FAT3: variants seen among roughly 807,000 people sequenced by gnomAD.
FAT3 encodes the protein FAT atypical cadherin 3.
In FAT3, 95 loss-of-function variants were observed where a neutral mutation model predicts 310.2. That is an observed-to-expected ratio of 0.31 (90% CI 0.26 to 0.36). The LOEUF (loss-of-function observed/expected upper bound fraction) is 0.36, where lower values mean the gene tolerates loss of function less well. FAT3 is among the 10% of genes least tolerant of loss of function. The probability of loss-of-function intolerance (pLI) is 1.00; values close to 1 mark genes in which losing one functional copy is unlikely to be tolerated. For synonymous variants in FAT3, 2,314 were observed against 2,192.9 expected, an observed-to-expected ratio of 1.06 and a Z score of -1.54; for missense variants, 5,408 against 5,715.6, an observed-to-expected ratio of 0.95 and a Z score of 1.74.
chr11:92,456,870 C>T (rs1299268630), intron 2 of FAT3, among the ~76,000 whole-genome samples: 2 of 152,078 alleles, frequency 1.3e-5, no homozygotes, highest in African/African-American at 4.8e-5. Flanking sequence ...CCATGGTGAA[C>T]AGCGCTAGGA....
chr11:92,873,495 GC>G (rs1342715871), intron 22 of FAT3, among the ~76,000 whole-genome samples: 1 of 152,198 alleles, frequency 6.6e-6, no homozygotes, highest in Admixed American at 6.5e-5. Context: ...ACCTACACTG[GC>G]AAGCAGGGTA....
Position 92,524,832 on chromosome 11 carries a change from A to G in FAT3, c.3491A>G (p.Asp1164Gly), listed in dbSNP as rs1342932527. 5.0e-6 allele frequency: 8 copies of G among 1,613,884 alleles called. No homozygotes were observed. Among genetic ancestry groups the G allele is most frequent in the Non-Finnish European group, 6.8e-6 (8 of 1,179,830 alleles). ...YPVVMENSPK[D>G]VSVIQIQAED... is the part of the protein sequence containing the mutation. ...GTTGTCATGGAAAACTCTCCAAAGG[A>G]CGTATCTGTCATTCAGATCCAGGCT... Residue 1164 changes from aspartate to glycine, a missense_variant, in exon 3 of 28, where the codon GAC becomes GGC. By Grantham distance (94) the Asp-to-Gly change is moderately conservative. This residue lies in a region of FAT3 where 4,588 missense variants were observed against 4,809.8 expected (regional missense o/e 0.95). Coordinates refer to ENST00000525166, the MANE Select transcript of FAT3 (RefSeq NM_001367949.2).
intron 3 of FAT3, among the ~76,000 whole-genome samples, chr11:92,565,278 A>C (rs1955387678): frequency 6.6e-6 from 1 of 151,660 alleles, no homozygotes; most frequent in Admixed American, 6.6e-5. Context: ...AATAAACTAG[A>C]AAATCTAGAA....
intron 19 of FAT3, among the ~76,000 whole-genome samples, chr11:92,851,331 T>C (rs141793337): frequency 6.6e-6 from 1 of 152,232 alleles, no homozygotes; most frequent in Non-Finnish European, 1.5e-5. Flanking sequence ...TAAATGTTTT[T>C]CTTTACAAGT....
intron 1 of FAT3, among the ~76,000 whole-genome samples, chr11:92,271,706 T>A (rs1946127123): frequency 1.3e-5 from 2 of 152,156 alleles, no homozygotes. Context: ...TGTAGCTATT[T>A]TGATTTATGT....
intron 1 of FAT3, among the ~76,000 whole-genome samples, chr11:92,282,398 C>T (rs2134367939): frequency 6.6e-6 from 1 of 152,240 alleles, no homozygotes; most frequent in South Asian, 2.1e-4. Flanking sequence ...GGCGCAGTGT[C>T]TCATGCCTAT....
At chr11:92,790,292 G>T in intron 8 of FAT3, 74 bp downstream of exon 8, 1 of 1,440,842 alleles carries the variant, frequency 6.9e-7, no homozygotes, top group Non-Finnish European at 9.4e-7. Flanking sequence ...GCCTTCAGAA[G>T]TATAGGGCCC....
intron 3 of FAT3, among the ~76,000 whole-genome samples, chr11:92,580,936 T>C (rs1203544629): frequency 2.6e-5 from 4 of 152,044 alleles, no homozygotes; most frequent in African/African-American, 9.7e-5. Flanking sequence ...TTTCCAACCA[T>C]TGGTTTCATT....
chr11:92,428,905 G>A (rs914252358), intron 2 of FAT3, among the ~76,000 whole-genome samples: 7 of 152,020 alleles, frequency 4.6e-5, no homozygotes, highest in Admixed American at 3.3e-4. Flanking sequence ...CCACTCGGTC[G>A]AGAGCTGAGT....
At chr11:92,338,470 A>C (rs999658608) in intron 1 of FAT3, among the ~76,000 whole-genome samples, 17 of 152,090 alleles carry the variant, frequency 1.1e-4, no homozygotes, top group African/African-American at 3.6e-4. Context: ...TTGATTTCAC[A>C]ATGCGGGGCA....
intron 2 of FAT3, among the ~76,000 whole-genome samples, chr11:92,440,128 C>T (rs1392608566): frequency 6.6e-6 from 1 of 151,594 alleles, no homozygotes; most frequent in South Asian, 2.1e-4. Flanking sequence ...TGGAAAGTAC[C>T]GAAGAGTAGG....
chr11:92,227,107 G>T (rs1017046867), intron 1 of FAT3, among the ~76,000 whole-genome samples: 9 of 152,182 alleles, frequency 5.9e-5, no homozygotes, highest in African/African-American at 2.2e-4. Context: ...GGGCTTGAGC[G>T]GCTGGGGTTC....
intron 1 of FAT3, among the ~76,000 whole-genome samples, chr11:92,229,521 T>TTTTTTTTTTTC (rs1864080194): frequency 1.4e-5 from 2 of 142,294 alleles, no homozygotes; most frequent in African/African-American, 2.6e-5. Context: ...TTTGTTTTTT[T>TTTTTTTTTTTC]TTACATTGCC....
chr11:92,791,270 A>T (rs1947033612), intron 8 of FAT3, among the ~76,000 whole-genome samples: 1 of 152,184 alleles, frequency 6.6e-6, no homozygotes, highest in Non-Finnish European at 1.5e-5. Context: ...GGCACTGAAG[A>T]TACAAAAAAG....
chr11:92,235,594 G>A (rs1194712777), intron 1 of FAT3, among the ~76,000 whole-genome samples: 1 of 152,102 alleles, frequency 6.6e-6, no homozygotes, highest in Non-Finnish European at 1.5e-5. Context: ...GTTCAACTTG[G>A]TTAGTGATTA....
intron 1 of FAT3, among the ~76,000 whole-genome samples, chr11:92,273,549 T>C (rs1454875401): frequency 1.3e-5 from 2 of 152,164 alleles, no homozygotes; most frequent in Non-Finnish European, 2.9e-5. Flanking sequence ...TTGTAATAAC[T>C]GTATAATATC....
intron 2 of FAT3, among the ~76,000 whole-genome samples, chr11:92,513,109 T>G (rs554276755): frequency 0.042 from 1,614 of 38,460 alleles, 243 homozygotes; most frequent in African/African-American, 0.14. Flanking sequence ...GCGACAGAGC[T>G]AGACTCCGTC....
At chr11:92,875,013 G>C (rs1171822751) in intron 22 of FAT3, among the ~76,000 whole-genome samples, 1 of 151,956 alleles carries the variant, frequency 6.6e-6, no homozygotes, top group African/African-American at 2.4e-5. Context: ...ACTAATGAAT[G>C]ATAATAATCA....
chr11:92,843,797 C>A (rs1362039653), intron 18 of FAT3, 137 bp from the exon 19 acceptor site: 1 of 822,026 alleles, frequency 1.2e-6, no homozygotes. Context: ...ACATCCTCAG[C>A]ATTTTTCAGA....
Sources: allele counts gnomAD v4.1 joint callset (sites outside exome capture counted in the v4.1 genomes callset), GRCh38; gene constraint gnomAD v4.1.1; regional missense constraint gnomAD v4.1.1; transcripts MANE v1.5; gene names NCBI Gene and HGNC (gene_info 2026-07-23, HGNC 2026-07-21).